ANO7: variants seen among roughly 807,000 people sequenced by gnomAD.
The protein encoded by ANO7 is anoctamin 7.
In ANO7, 114 loss-of-function variants were observed where a neutral mutation model predicts 115.8. The observed-to-expected ratio is 0.98, with a 90% CI of 0.85 to 1.15. ANO7 has a LOEUF of 1.15. Among genes scored for constraint, ANO7 ranks in the 50% most tolerant of loss-of-function variants. The probability of loss-of-function intolerance (pLI) is 0.00; values close to 1 mark genes in which losing one functional copy is unlikely to be tolerated. For synonymous variants in ANO7, 550 were observed against 498.2 expected, an observed-to-expected ratio of 1.10 and a Z score of -1.38; for missense variants, 1,302 against 1,201.2, an observed-to-expected ratio of 1.08 and a Z score of -1.24.
intron 10 of ANO7, among the ~76,000 whole-genome samples, chr2:241,206,598 A>G (rs1574776578): frequency 4.4e-5 from 2 of 45,938 alleles, no homozygotes; most frequent in African/African-American, 1.1e-4. Flanking sequence ...TGACAGGTGG[A>G]CAGGAGTGCT....
At chr2:241,239,562 T>C in the ANO7 span, 4 of 1,534,554 alleles carry the variant, frequency 2.6e-6, no homozygotes, top group East Asian at 6.7e-5. This position sits in a 1 kb window ranked among gnomAD's most constrained non-coding sequence, Gnocchi z 4.6. Flanking sequence ...GAGTGGCCAC[T>C]GGGGGGTGAG....
chr2:241,210,634 C>T lies in ANO7; in HGVS notation c.1561+64C>T, dbSNP rs113377437. 8,942 of 1,383,694 alleles carry T rather than the reference C, an allele frequency of 6.5e-3. 465 individuals carry two copies. In the African/African-American group the frequency reaches 0.11, roughly 17 times the overall value. The allele number at this position is 1,383,694 out of a possible 1,614,324, so 85.7% of individuals were successfully genotyped here. A position where few individuals can be genotyped will look rare whatever the true frequency, so the allele number is the denominator to read the frequency against. ...CCACCCTGCCGGCCGCCAGCCAGAA[C>T]GTGACTTTCTCACTCACTGACACAC... is the stretch of plus-strand genomic sequence containing the variant. On this transcript the variant is annotated intron_variant, in intron 15 of 24. Coordinates refer to ENST00000674324, the MANE Select transcript of ANO7 (RefSeq NM_001370694.2).
At chr2:241,231,094 T>G in the ANO7 span, 1 of 685,836 alleles carries the variant, frequency 1.5e-6, no homozygotes, top group African/African-American at 1.8e-5. Flanking sequence ...GTTAACAATG[T>G]CCACTCAGGG....
intron 21 of ANO7, 58 bp from the exon 22 acceptor site, chr2:241,223,128 A>AT (rs1256216335): frequency 1.3e-6 from 2 of 1,505,372 alleles, no homozygotes; most frequent in Non-Finnish European, 1.8e-6. Context: ...TTCCAGAGGC[A>AT]CCTGCCCAGC....
chr2:241,235,414 G>C, the ANO7 span: 5 of 1,463,406 alleles, frequency 3.4e-6, no homozygotes, highest in Non-Finnish European at 4.8e-6. Flanking sequence ...ACAGGAAGTT[G>C]AGAAAGGACA....
Position 241,223,043 on chromosome 2 carries a change from G to A in ANO7, c.2322-143G>A, listed in dbSNP as rs138102224. ...TGTTTGGGAAGAATTCCCATTTCAGGCACCCTCGATGAAGAGCCAGGCCAG... is the reference window on the plus strand; with the variant it reads ...TGTTTGGGAAGAATTCCCATTTCAGACACCCTCGATGAAGAGCCAGGCCAG... On this transcript the variant is annotated intron_variant, in intron 21 of 24. Coordinates refer to ENST00000674324, the MANE Select transcript of ANO7 (RefSeq NM_001370694.2). 2.3e-5 allele frequency: 17 copies of A among 738,818 alleles called. No homozygotes were observed. The African/African-American group carries it at 2.4e-4, about 11-fold the overall frequency. 45.8% of individuals were successfully genotyped at this position (738,818 alleles called of 1,614,324 possible).
At chr2:241,239,237 T>G in the ANO7 span, among the ~76,000 whole-genome samples, 8 of 152,326 alleles carry the variant, frequency 5.3e-5, no homozygotes, top group Middle Eastern at 3.4e-3. This position sits in a 1 kb window ranked among gnomAD's most constrained non-coding sequence, Gnocchi z 4.6. Context: ...TTTTCTTTCC[T>G]TCACAGAGGG....
chr2:241,200,501 G>A (rs955797365), intron 6 of ANO7, among the ~76,000 whole-genome samples: 1 of 152,242 alleles, frequency 6.6e-6, no homozygotes, highest in Non-Finnish European at 1.5e-5. Context: ...ACGTGTGGTG[G>A]GGCGGCGCGG....
At chr2:241,211,945 A>G (rs2068727972) in intron 15 of ANO7, 149 bp from the exon 16 acceptor site, 1 of 623,864 alleles carries the variant, frequency 1.6e-6, no homozygotes. Flanking sequence ...TGACTTCGGA[A>G]ATGTCACACT....
chr2:241,199,228 C>T, intron 4 of ANO7, 88 bp from the exon 5 acceptor site: 1 of 1,166,092 alleles, frequency 8.6e-7, no homozygotes, highest in Non-Finnish European at 1.3e-6. Flanking sequence ...AAATGCCAGT[C>T]TTTTCCTAAG....
chr2:241,230,228 G>C, downstream of ANO7: 1 of 1,612,130 alleles, frequency 6.2e-7, no homozygotes, highest in Non-Finnish European at 8.5e-7. The surrounding 1 kb of genome is among the most constrained non-coding windows in gnomAD (Gnocchi z 5.0). Context: ...CAGTGACGCA[G>C]TTGGGGTCTG....
chr2:241,205,031 G>A, intron 10 of ANO7, 76 bp downstream of exon 10: 3 of 1,293,770 alleles, frequency 2.3e-6, no homozygotes, highest in Non-Finnish European at 3.3e-6. Context: ...GGACCCCTAG[G>A]TGCTAGGTCC....
At chr2:241,238,042 C>T in the ANO7 span, among the ~76,000 whole-genome samples, 61 of 152,286 alleles carry the variant, frequency 4.0e-4, no homozygotes, top group Admixed American at 7.2e-4. This position sits in a 1 kb window ranked among gnomAD's most constrained non-coding sequence, Gnocchi z 4.9. Context: ...GAGTGGAGGG[C>T]GGGCATCTGA....
Position 241,199,438 on chromosome 2 carries a change from T to C in ANO7, c.417+15T>C, listed in dbSNP as rs2068417842. ...TGCCCTTGCAGGTACGTGGGAGGCATGGGGACAGGGTGGGCCTGGAGGTCC... is the reference window on the plus strand; with the variant it reads ...TGCCCTTGCAGGTACGTGGGAGGCACGGGGACAGGGTGGGCCTGGAGGTCC... On this transcript the variant is annotated intron_variant, in intron 5 of 24. Transcript: ENST00000674324. The C allele has an allele frequency of 1.9e-6, 3 of 1,612,944 alleles. No homozygotes were observed. Among genetic ancestry groups the C allele is most frequent in the Middle Eastern group, 1.6e-4 (1 of 6,084 alleles).
chr2:241,224,140 A>G lies in ANO7; in HGVS notation c.2627A>G (p.Gln876Arg), dbSNP rs2069099607. 1.3e-6 allele frequency: 2 copies of G among 1,599,596 alleles called. No homozygotes were observed. The highest frequency in any genetic ancestry group is 1.1e-5 in the South Asian group (1 of 90,998). The change falls in exon 25 of 25, where the codon CAG becomes CGG. Residue 876 changes from glutamine (Q) to arginine (R), a missense_variant. Physicochemically the swap from Gln to Arg is conservative, Grantham distance 43. Coordinates refer to ENST00000674324, the MANE Select transcript of ANO7 (RefSeq NM_001370694.2). ...WTPFTVPKASQLQQ is the reference protein window; with the variant it reads ...WTPFTVPKASRLQQ Reference sequence around the variant, plus strand: ...CCCTTCACGGTTCCCAAGGCCAGCCAGCTGCAGCAGTGACGCCTGGAAGGA... The same window carrying G: ...CCCTTCACGGTTCCCAAGGCCAGCCGGCTGCAGCAGTGACGCCTGGAAGGA...
At chr2:241,239,575 C>A in the ANO7 span, 7 of 1,591,016 alleles carry the variant, frequency 4.4e-6, no homozygotes, top group African/African-American at 6.7e-5. The surrounding 1 kb of genome is among the most constrained non-coding windows in gnomAD (Gnocchi z 4.6). Flanking sequence ...GGGGTGAGAA[C>A]CCCTCCCCGA....
intron 4 of ANO7, among the ~76,000 whole-genome samples, chr2:241,197,623 C>T (rs1314320236): frequency 1.3e-5 from 2 of 150,742 alleles, no homozygotes. Flanking sequence ...AAGCAATCTG[C>T]CTGCCTTAGC....
At chr2:241,232,917 G>GC in the ANO7 span, among the ~76,000 whole-genome samples, 1 of 152,026 alleles carries the variant, frequency 6.6e-6, no homozygotes, top group Non-Finnish European at 1.5e-5. Context: ...GTGCAGGAGG[G>GC]CCCTCCTGGC....
At chr2:241,230,214 G>A (rs779520491), downstream of ANO7, 35 of 1,613,206 alleles carry the variant, frequency 2.2e-5, no homozygotes, top group Non-Finnish European at 2.6e-5. This position sits in a 1 kb window ranked among gnomAD's most constrained non-coding sequence, Gnocchi z 5.0. Context: ...TGGGAGCCCC[G>A]TCACAGTGAC....
Sources: gnomAD v4.1 joint callset for allele counts (sites outside exome capture counted in the v4.1 genomes callset) on GRCh38, gnomAD v4.1.1 for gene constraint, Gnocchi (gnomAD v3.1) non-coding constraint, MANE v1.5 for transcripts, NCBI Gene and HGNC (gene_info 2026-07-23, HGNC 2026-07-21) for gene names.